The following PTPN21 variants were observed in gnomAD, a reference collection of about 807,000 sequenced individuals.
PTPN21 encodes tyrosine-protein phosphatase non-receptor type 21.
In PTPN21, 77 loss-of-function variants were observed where a neutral mutation model predicts 131.8. That is an observed-to-expected ratio of 0.58 (90% CI 0.49 to 0.71). PTPN21 has a LOEUF of 0.71. Among genes scored for constraint, PTPN21 ranks in the 30% least tolerant of loss-of-function variants. The probability of loss-of-function intolerance (pLI) is 0.00; values close to 1 mark genes in which losing one functional copy is unlikely to be tolerated. For synonymous variants in PTPN21, 715 were observed against 621.3 expected (o/e 1.15, Z -2.24); for missense variants, 1,552 against 1,527.1 (o/e 1.02, Z -0.27).
At chr14:88,529,567 G>A (rs908494709) in intron 2 of PTPN21, among the ~76,000 whole-genome samples, 2 of 152,112 alleles carry the variant, frequency 1.3e-5, no homozygotes, top group African/African-American at 2.4e-5. Flanking sequence ...AACTTCCCTG[G>A]TCTTGCTAGA....
rs767292359 is a variant in PTPN21 at position 88,478,956 on chromosome 14, C to T, written c.2475G>A (p.Gly825=). ...KKRPVSDLLS[G]KKNIVEGLPP... is the part of the protein sequence containing the mutation. ...GGAGCCCTTCCACGATGTTCTTCTT[C>T]CCAGAGAGAAGGTCCGACACCGGCC... Residue 825 remains glycine (G), a synonymous_variant, in exon 13 of 19, where the codon GGG becomes GGA. Coordinates refer to ENST00000556564, the MANE Select transcript of PTPN21 (RefSeq NM_007039.4). 1 of 1,528,168 alleles carries T rather than the reference C, an allele frequency of 6.5e-7. No homozygotes were observed. The highest frequency in any genetic ancestry group is 8.8e-7 in the Non-Finnish European group (1 of 1,138,610). The allele number at this position is 1,528,168 out of a possible 1,614,324, so 94.7% of individuals were successfully genotyped here.
At chr14:88,475,762 C>T (rs73329678) in intron 13 of PTPN21, among the ~76,000 whole-genome samples, 5,636 of 152,218 alleles carry the variant, frequency 0.037, 353 homozygotes, top group African/African-American at 0.13. Context: ...ACATTTAAGT[C>T]GGCTCTTGCT....
chr14:88,507,877 A>C (rs181765740), intron 4 of PTPN21, 46 bp downstream of exon 4: 10 of 1,239,292 alleles, frequency 8.1e-6, no homozygotes, highest in Admixed American at 2.1e-5. Flanking sequence ...GTTGTAACAC[A>C]TTTTAATCTG....
chr14:88,473,569 G>T, intron 14 of PTPN21, 96 bp downstream of exon 14: 2 of 1,410,100 alleles, frequency 1.4e-6, no homozygotes, highest in Non-Finnish European at 1.9e-6. Flanking sequence ...TTATTAAATT[G>T]TGTTAGAAAA....
intron 12 of PTPN21, among the ~76,000 whole-genome samples, chr14:88,480,756 G>T (rs553084288): frequency 2.0e-5 from 3 of 152,152 alleles, no homozygotes; most frequent in Non-Finnish European, 2.9e-5. Context: ...AGCACCAACT[G>T]TCTGTAAGCA....
chr14:88,507,817 A>T, intron 4 of PTPN21, 106 bp downstream of exon 4: 2 of 570,006 alleles, frequency 3.5e-6, no homozygotes, highest in Non-Finnish European at 5.7e-6. Context: ...ATATATAAAC[A>T]CTACTAAAGA....
intron 3 of PTPN21, chr14:88,513,493 T>G (rs757844738): frequency 6.6e-6 from 1 of 152,228 alleles, no homozygotes; most frequent in Admixed American, 6.5e-5. Context: ...TGGTCAAAAT[T>G]TCCAAGCTTT....
chr14:88,508,843 C>A (rs752625509), intron 3 of PTPN21, among the ~76,000 whole-genome samples: 1 of 152,194 alleles, frequency 6.6e-6, no homozygotes, highest in Non-Finnish European at 1.5e-5. Context: ...TTCTTAATAT[C>A]TGGTAATGTG....
Position 88,554,919 on chromosome 14 carries a change from T to TG in PTPN21, c.-472dup, listed in dbSNP as rs2078905055. The stretch of plus-strand genomic sequence containing the variant: ...AGGAGCGCCGCACAAAGAAGCCCCG[T>TG]GGGGGCGGGGGGTGGCAGGAGGACG... On this transcript the variant is annotated 5_prime_UTR_variant, in exon 1 of 19. Coordinates refer to ENST00000556564, the MANE Select transcript of PTPN21 (RefSeq NM_007039.4). 6.6e-6 allele frequency among the ~76,000 whole-genome samples: 1 copy of TG among 151,262 alleles called. No homozygotes were observed. The highest frequency in any genetic ancestry group is 1.5e-5 in the Non-Finnish European group (1 of 67,764).
intron 2 of PTPN21, among the ~76,000 whole-genome samples, chr14:88,525,747 T>C (rs1411375642): frequency 6.6e-6 from 1 of 152,166 alleles, no homozygotes; most frequent in Non-Finnish European, 1.5e-5. Context: ...AACACATGTA[T>C]ATGCATATGC....
chr14:88,479,059 A>T lies in PTPN21; in HGVS notation c.2372T>A (p.Leu791Gln). The stretch of plus-strand genomic sequence containing the variant: ...GGACTCCGACATGGAGGGCATCAGC[A>T]GCCCGTCTCTCCAGGGCCGCTGGGC... ...AEAQRPWRDG[L>Q]LMPSMSESDL... is the part of the protein sequence containing the mutation. Residue 791 changes from leucine to glutamine, a missense_variant, in exon 13 of 19, where the codon CTG (leucine) becomes CAG (glutamine). Leu to Gln is a moderately radical substitution (Grantham distance 113). Around this residue, in one of 4 missense-constraint regions of PTPN21, gnomAD observed 1,016 missense variants for 883.5 expected, o/e 1.15. Coordinates refer to ENST00000556564, the MANE Select transcript of PTPN21 (RefSeq NM_007039.4). 3 of 1,606,902 alleles carry T rather than the reference A, an allele frequency of 1.9e-6. No homozygotes were observed. Among genetic ancestry groups the T allele is most frequent in the Non-Finnish European group, 1.7e-6 (2 of 1,177,374 alleles).
At chr14:88,533,925 C>T (rs757406480) in intron 2 of PTPN21, among the ~76,000 whole-genome samples, 2 of 152,044 alleles carry the variant, frequency 1.3e-5, no homozygotes, top group Non-Finnish European at 2.9e-5. Flanking sequence ...CAGAAGAAGG[C>T]ATTGTTATCA....
intron 2 of PTPN21, among the ~76,000 whole-genome samples, chr14:88,521,582 T>TTTG (rs1486419703): frequency 1.3e-5 from 2 of 150,812 alleles, no homozygotes; most frequent in Non-Finnish European, 3.0e-5. Context: ...TTTTTTTTTT[T>TTTG]TGCATTTTTT....
At chr14:88,543,647 C>T (rs2078736229) in intron 2 of PTPN21, among the ~76,000 whole-genome samples, 1 of 152,180 alleles carries the variant, frequency 6.6e-6, no homozygotes, top group South Asian at 2.1e-4. Flanking sequence ...TTTGATGGAG[C>T]TTACAGTCTA....
rs749573614 is a variant in PTPN21, at chr14:88,468,211, C to G, written c.3451G>C (p.Val1151Leu). The G allele has an allele frequency of 6.2e-7, 1 of 1,611,026 alleles. No individual in the cohort carries two copies. The highest frequency in any genetic ancestry group is 8.5e-7 in the Non-Finnish European group (1 of 1,177,624). ...AATGTGTACTGGCAGAGAGTCTGCA[C>G]CAGCATCATTCTCTGTTGCCTCAGC... ...DMLRQQRMMLVQTLCQYTFVY... is the reference protein window; with the variant it reads ...DMLRQQRMMLLQTLCQYTFVY... Residue 1151 changes from valine to leucine, a missense_variant, in exon 19 of 19, where the codon GTG becomes CTG. Coordinates refer to ENST00000556564, the MANE Select transcript of PTPN21 (RefSeq NM_007039.4).
chr14:88,482,181 G>A (rs1000951987), intron 12 of PTPN21, among the ~76,000 whole-genome samples: 2 of 152,222 alleles, frequency 1.3e-5, no homozygotes, highest in Admixed American at 6.5e-5. Context: ...GGTGCAGAGC[G>A]GCACTGGCAA....
At position 88,479,759 on chromosome 14, in the gene PTPN21, T is replaced by TA; in HGVS notation, c.1671_1672insT (p.Met558TyrfsTer141). On this transcript the variant is annotated frameshift_variant, in exon 13 of 19. Transcript: ENST00000556564. LOFTEE classifies it high-confidence loss of function. ...GGTGGCCGGTACACCTGCGTCCGCA[T>TA]GATGTTGGGAGACGGGTAGTCCTGC... 2 of 1,543,888 alleles carry TA rather than the reference T, an allele frequency of 1.3e-6. No individual in the cohort carries two copies. Among genetic ancestry groups the TA allele is most frequent in the Non-Finnish European group, 1.7e-6 (2 of 1,151,942 alleles).
intron 3 of PTPN21, 133 bp from the exon 4 acceptor site, chr14:88,508,153 T>TG: frequency 2.9e-6 from 1 of 349,032 alleles, no homozygotes. Context: ...TGTGTGTGTT[T>TG]TTTTTTTTTT....
At chr14:88,545,884 T>C (rs2078769960) in intron 2 of PTPN21, among the ~76,000 whole-genome samples, 1 of 150,478 alleles carries the variant, frequency 6.6e-6, no homozygotes, top group African/African-American at 2.5e-5. Context: ...GGCATGAACC[T>C]GGGAGACTGA....
Sources: gnomAD v4.1 joint callset for allele counts (sites outside exome capture counted in the v4.1 genomes callset) on GRCh38, gnomAD v4.1.1 for gene constraint, gnomAD v4.1.1 regional missense constraint, MANE v1.5 for transcripts, NCBI Gene and HGNC (gene_info 2026-07-23, HGNC 2026-07-21) for gene names.